Variants in SEMA3E observed in about 807,000 individuals in gnomAD.
SEMA3E encodes semaphorin-3E.
Under a neutral mutation model 93.6 loss-of-function variants are expected in SEMA3E, and 49 were observed. That is an observed-to-expected ratio of 0.52 (90% CI 0.42 to 0.66). The LOEUF (loss-of-function observed/expected upper bound fraction) is 0.66, where lower values mean the gene tolerates loss of function less well. Ranked by LOEUF, SEMA3E falls within the 30% of genes least tolerant of loss-of-function variation. The pLI, the probability that SEMA3E is intolerant of heterozygous loss-of-function variation, is 0.00. For missense variants in SEMA3E, 906 were observed against 964.8 expected, an observed-to-expected ratio of 0.94 and a Z score of 0.81; for synonymous variants, 363 against 330.7, an observed-to-expected ratio of 1.10 and a Z score of -1.06.
chr7:83,379,996 T>G (rs1787745970), intron 16 of SEMA3E, among the ~76,000 whole-genome samples: 1 of 151,846 alleles, frequency 6.6e-6, no homozygotes, highest in African/African-American at 2.4e-5. Flanking sequence ...GGTTTTATAT[T>G]CCTGAACACT....
At chr7:83,614,334 T>C (rs1793323561) in intron 1 of SEMA3E, among the ~76,000 whole-genome samples, 1 of 152,130 alleles carries the variant, frequency 6.6e-6, no homozygotes, top group South Asian at 2.1e-4. Flanking sequence ...CGTTCAAATA[T>C]AACAGATGCT....
intron 14 of SEMA3E, among the ~76,000 whole-genome samples, chr7:83,388,647 C>T (rs1787931891): frequency 6.6e-6 from 1 of 151,974 alleles, no homozygotes; most frequent in Non-Finnish European, 1.5e-5. Flanking sequence ...ATGCTTTAAC[C>T]ATATGCAATG....
At chr7:83,482,392 C>T (rs181455435) in intron 2 of SEMA3E, among the ~76,000 whole-genome samples, 76 of 151,678 alleles carry the variant, frequency 5.0e-4, no homozygotes, top group African/African-American at 1.8e-3. Flanking sequence ...GGGTGAAATC[C>T]CGTCTCTACT....
intron 12 of SEMA3E, among the ~76,000 whole-genome samples, chr7:83,394,941 C>T (rs993499014): frequency 2.0e-5 from 3 of 152,080 alleles, no homozygotes; most frequent in Admixed American, 6.6e-5. Flanking sequence ...CTAGTGCATC[C>T]CTAAGGAGCA....
chr7:83,502,153 C>A (rs746415915), intron 1 of SEMA3E, among the ~76,000 whole-genome samples: 10 of 152,124 alleles, frequency 6.6e-5, no homozygotes, highest in Middle Eastern at 6.3e-3. Flanking sequence ...TTCTTGAGTG[C>A]CACACTATCT....
At chr7:83,459,058 A>T (rs924578177) in intron 4 of SEMA3E, among the ~76,000 whole-genome samples, 1 of 150,972 alleles carries the variant, frequency 6.6e-6, no homozygotes, top group Admixed American at 6.6e-5. Flanking sequence ...AAATTTACCA[A>T]ATTAGATGGA....
rs186628513 is a variant in SEMA3E, at chr7:83,387,038, T to C, written c.1680A>G (p.Arg560=). The change falls in exon 15 of 17, where the codon AGA becomes AGG. Residue 560 remains arginine, a synonymous_variant. Coordinates refer to ENST00000643230, the MANE Select transcript of SEMA3E (RefSeq NM_012431.3). ...CTGCATTTCCATGTCGAACATCTTG[T>C]CTCCGGAAACGCCTGAAAGAAAGTA... is the stretch of plus-strand genomic sequence containing the variant. ...TGTHAKRRFR[R]QDVRHGNAAQ... 4.9e-4 allele frequency: 784 copies of C among 1,613,252 alleles called. 3 individuals carry two copies. Among genetic ancestry groups the C allele is most frequent in the East Asian group, 4.0e-3 (178 of 44,770 alleles).
chr7:83,406,481 C>G (rs555703642), intron 7 of SEMA3E, among the ~76,000 whole-genome samples: 2 of 151,838 alleles, frequency 1.3e-5, no homozygotes, highest in Non-Finnish European at 2.9e-5. Context: ...GAAATACACA[C>G]ACAACACCCA....
intron 16 of SEMA3E, among the ~76,000 whole-genome samples, chr7:83,376,558 A>G (rs1049094885): frequency 1.3e-5 from 2 of 152,020 alleles, no homozygotes; most frequent in Non-Finnish European, 2.9e-5. Flanking sequence ...TAAGCTAACC[A>G]TGGTTATTAG....
chr7:83,630,133 C>T (rs904250890), intron 1 of SEMA3E, among the ~76,000 whole-genome samples: 5 of 152,156 alleles, frequency 3.3e-5, no homozygotes, highest in African/African-American at 1.2e-4. Flanking sequence ...CTAACCAGTC[C>T]CAATGAGATG....
intron 1 of SEMA3E, among the ~76,000 whole-genome samples, chr7:83,585,242 C>T (rs1221714333): frequency 6.6e-6 from 1 of 152,176 alleles, no homozygotes; most frequent in Non-Finnish European, 1.5e-5. Context: ...GATTCCTTCA[C>T]TTTTCTCTAC....
chr7:83,392,929 C>T (rs1302186168), intron 13 of SEMA3E, among the ~76,000 whole-genome samples: 1 of 150,620 alleles, frequency 6.6e-6, no homozygotes, highest in Non-Finnish European at 1.5e-5. Context: ...ATTAGCCAGG[C>T]ATGGTGGCGG....
intron 5 of SEMA3E, 22 bp from the exon 6 acceptor site, chr7:83,408,509 AAAG>A (rs1403798442): frequency 1.2e-6 from 2 of 1,612,778 alleles, no homozygotes; most frequent in Non-Finnish European, 8.5e-7. Context: ...CATCAGTAAA[AAAG>A]AAGTCAGTAT....
At position 83,495,683 on chromosome 7, in the gene SEMA3E, G is replaced by A. The variant is rs1790477699; in HGVS notation, c.116-5409C>T. Reference sequence around the variant, plus strand: ...AATATCAACACTGTTCTGTGAATAGGACATCAAAGACGCAAAAAGTGAATT... The same window carrying A: ...AATATCAACACTGTTCTGTGAATAGAACATCAAAGACGCAAAAAGTGAATT... On this transcript the variant is annotated intron_variant, in intron 1 of 16. Coordinates refer to ENST00000643230, the MANE Select transcript of SEMA3E (RefSeq NM_012431.3). 1.3e-5 allele frequency among the ~76,000 whole-genome samples: 2 copies of A among 151,838 alleles called. 1 individual carries two copies. The highest frequency in any genetic ancestry group is 4.2e-4 in the South Asian group (2 of 4,806).
intron 1 of SEMA3E, among the ~76,000 whole-genome samples, chr7:83,605,142 T>C (rs1793084535): frequency 6.6e-6 from 1 of 152,238 alleles, no homozygotes; most frequent in Non-Finnish European, 1.5e-5. Flanking sequence ...TTTGGGTACA[T>C]ACCCAGTAAT....
intron 1 of SEMA3E, among the ~76,000 whole-genome samples, chr7:83,501,193 A>G (rs986057562): frequency 5.9e-5 from 9 of 152,202 alleles, no homozygotes; most frequent in South Asian, 2.1e-4. Flanking sequence ...ATTAAAATAC[A>G]TATTTAACAA....
At chr7:83,604,947 C>A (rs1271208507) in intron 1 of SEMA3E, among the ~76,000 whole-genome samples, 2 of 152,126 alleles carry the variant, frequency 1.3e-5, no homozygotes, top group African/African-American at 4.8e-5. Flanking sequence ...ATCCACGTCC[C>A]TGAAAAGGAC....
intron 2 of SEMA3E, among the ~76,000 whole-genome samples, chr7:83,474,237 A>G (rs1789964133): frequency 6.6e-6 from 1 of 152,132 alleles, no homozygotes; most frequent in Non-Finnish European, 1.5e-5. Flanking sequence ...TATGTAGCCA[A>G]ATCCATTTCC....
chr7:83,628,894 G>A (rs549259114), intron 1 of SEMA3E, among the ~76,000 whole-genome samples: 38 of 152,174 alleles, frequency 2.5e-4, no homozygotes, highest in African/African-American at 8.2e-4. Context: ...CAGCTTTTTT[G>A]TGCTGGTTTT....
Sources: allele counts gnomAD v4.1 joint callset (sites outside exome capture counted in the v4.1 genomes callset), GRCh38; gene constraint gnomAD v4.1.1; transcripts MANE v1.5; gene names NCBI Gene and HGNC (gene_info 2026-07-23, HGNC 2026-07-21).